The following ABCB5 variants were observed in gnomAD, a reference collection of about 807,000 sequenced individuals.
The protein encoded by ABCB5 is ATP binding cassette subfamily B member 5.
ABCB5 carries 155 observed loss-of-function variants against 144.2 expected under a neutral mutation model. That is an observed-to-expected ratio of 1.08 (90% CI 0.94 to 1.23). ABCB5 has a LOEUF of 1.23. ABCB5 is among the 50% of genes most tolerant of loss of function. The pLI is 0.00. For missense variants in ABCB5, 1,830 were observed against 1,520.8 expected (o/e 1.20, Z -3.38); for synonymous variants, 610 against 528.6 (o/e 1.15, Z -2.11).
At position 20,739,106 on chromosome 7, in the gene ABCB5, T is replaced by A. The variant is rs1350014524; in HGVS notation, c.2991T>A (p.Asn997Lys). ...HLFALLEKKP[N>K]IDSRSQEGKK... The stretch of plus-strand genomic sequence containing the variant: ...TTGCCTTGTTGGAAAAGAAACCAAA[T>A]ATAGACAGCCGCAGTCAAGAAGGGA... The change falls in exon 24 of 28, where the codon AAT becomes AAA. Residue 997 changes from asparagine (N) to lysine (K), a missense_variant. Asn to Lys is a moderately conservative substitution (Grantham distance 94). Coordinates refer to ENST00000404938, the MANE Select transcript of ABCB5 (RefSeq NM_001163941.2). The A allele has an allele frequency of 6.2e-7, 1 of 1,607,630 alleles. No individual in the cohort carries two copies. The highest frequency in any genetic ancestry group is 1.7e-5 in the Admixed American group (1 of 59,060).
chr7:20,657,247 G>A (rs993823087), intron 13 of ABCB5, among the ~76,000 whole-genome samples: 1 of 152,034 alleles, frequency 6.6e-6, no homozygotes, highest in African/African-American at 2.4e-5. Flanking sequence ...TGAACTACTG[G>A]ATTCCCAGTT....
At chr7:20,742,577 G>A (rs537167546) in intron 24 of ABCB5, among the ~76,000 whole-genome samples, 1 of 152,276 alleles carries the variant, frequency 6.6e-6, no homozygotes, top group East Asian at 1.9e-4. Context: ...AGATAAGCTG[G>A]TCAAACAACC....
chr7:20,695,676 G>C (rs1786387104), intron 16 of ABCB5, among the ~76,000 whole-genome samples: 1 of 151,772 alleles, frequency 6.6e-6, no homozygotes, highest in African/African-American at 2.4e-5. Context: ...TATCTGATCA[G>C]GACTTGTATC....
chr7:20,678,401 G>C lies in ABCB5; in HGVS notation c.1708-3104G>C, dbSNP rs142699901. On this transcript the variant is annotated intron_variant, in intron 14 of 27. Coordinates refer to ENST00000404938, the MANE Select transcript of ABCB5 (RefSeq NM_001163941.2). ...AGAGGGAAAACCACACTGGGTTTTA[G>C]TACCAGTCCTTCCAGTGACTGGCTG... Among the ~76,000 whole-genome samples the C allele has an allele frequency of 2.8e-3, 433 of 152,302 alleles. 1 individual carries two copies. Among genetic ancestry groups the C allele is most frequent in the African/African-American group, 9.8e-3 (407 of 41,574 alleles).
rs1452247047 is a variant in ABCB5, at chr7:20,659,285, T to C, written c.1707+609T>C. 8.2e-6 allele frequency: 12 copies of C among 1,456,712 alleles called. No individual in the cohort carries two copies. The African/African-American group carries it at 9.9e-5, about 12-fold the overall frequency. 90.2% of individuals were successfully genotyped at this position (1,456,712 alleles called of 1,614,324 possible). ...TTGGCAGTGGCGGTATGAAAAACCA[T>C]TGAACAGTTTTCTCGATGGCCTGAC... On this transcript the variant is annotated intron_variant, in intron 14 of 27. Coordinates refer to ENST00000404938, the MANE Select transcript of ABCB5 (RefSeq NM_001163941.2).
In ABCB5 at chr7:20,646,011, T is replaced by C. The variant is rs748373481; in HGVS notation, c.854T>C (p.Ile285Thr). 6 of 1,613,758 alleles carry C rather than the reference T, an allele frequency of 3.7e-6. No homozygotes were observed. The Admixed American group carries it at 8.3e-5, about 22-fold the overall frequency. The change falls in exon 9 of 28, where the codon ATA (isoleucine) becomes ACA (threonine). Residue 285 changes from isoleucine to threonine, a missense_variant. Ile to Thr is a moderately conservative substitution (Grantham distance 89). Transcript: ENST00000404938. ...DAKDFGIKRT[I>T]ASKVSLGAVY... ...AAGGATTTTGGCATAAAAAGGACTA[T>C]AGCTTCAAAAGTGTCTCTTGGTGCT...
At chr7:20,700,891 TC>T (rs1445412799) in intron 19 of ABCB5, among the ~76,000 whole-genome samples, 5 of 152,290 alleles carry the variant, frequency 3.3e-5, no homozygotes, top group African/African-American at 7.2e-5. Context: ...TGATTTCTTT[TC>T]AGAAATAGAG....
chr7:20,619,914 C>T (rs1240236164), intron 1 of ABCB5, among the ~76,000 whole-genome samples: 3 of 152,144 alleles, frequency 2.0e-5, no homozygotes, highest in Non-Finnish European at 4.4e-5. Flanking sequence ...GGTATCCCAG[C>T]ACCATTTTTT....
At chr7:20,658,766 C>G in intron 14 of ABCB5, 90 bp downstream of exon 14, 1 of 1,431,702 alleles carries the variant, frequency 7.0e-7, no homozygotes, top group Non-Finnish European at 9.4e-7. Flanking sequence ...ATAGATTACT[C>G]AAGTTGAGAG....
In ABCB5 at chr7:20,651,557, T is replaced by A. The variant is rs143325558; in HGVS notation, c.1470T>A (p.Thr490=). ...NNIKYGRDDV[T]DEEMERAARE... ...TCAAGTATGGACGAGATGATGTGAC[T>A]GATGAAGAGATGGAGAGAGCAGCAA... Residue 490 remains threonine (T), a synonymous_variant, in exon 13 of 28, where the codon ACT becomes ACA. Transcript: ENST00000404938. The A allele has an allele frequency of 6.2e-7, 1 of 1,613,964 alleles. No individual in the cohort carries two copies. The highest frequency in any genetic ancestry group is 1.3e-5 in the African/African-American group (1 of 74,882).
intron 14 of ABCB5, among the ~76,000 whole-genome samples, chr7:20,674,976 A>G (rs778389386): frequency 6.6e-6 from 1 of 151,988 alleles, no homozygotes; most frequent in East Asian, 1.9e-4. Flanking sequence ...ACTGAAAACT[A>G]TAACCATTGA....
rs770284056 is a variant in ABCB5 at position 20,643,145 on chromosome 7, G to A, written c.315-39G>A. ...TTTATGTGTGTAACAAGATAAAAAT[G>A]TTGTGCTTCAGTCTCACATTCTAAT... is the stretch of plus-strand genomic sequence containing the variant. On this transcript the variant is annotated intron_variant, in intron 5 of 27. Transcript: ENST00000404938. 14 of 1,517,454 alleles carry A rather than the reference G, an allele frequency of 9.2e-6. No individual in the cohort carries two copies. The East Asian group carries it at 9.2e-5, about 10-fold the overall frequency. 94.0% of individuals were successfully genotyped at this position (1,517,454 alleles called of 1,614,324 possible).
At chr7:20,731,091 A>T (rs1421496655) in intron 23 of ABCB5, among the ~76,000 whole-genome samples, 1 of 152,014 alleles carries the variant, frequency 6.6e-6, no homozygotes, top group Non-Finnish European at 1.5e-5. Flanking sequence ...ACGGTGGCTC[A>T]TGCCTGTAGT....
chr7:20,732,823 A>C (rs1782265130), intron 23 of ABCB5, among the ~76,000 whole-genome samples: 1 of 152,204 alleles, frequency 6.6e-6, no homozygotes, highest in Non-Finnish European at 1.5e-5. Context: ...AAAATTTCTC[A>C]GTCGAAGAAT....
intron 1 of ABCB5, among the ~76,000 whole-genome samples, chr7:20,616,860 A>C (rs931344832): frequency 6.6e-6 from 1 of 152,220 alleles, no homozygotes; most frequent in Non-Finnish European, 1.5e-5. Flanking sequence ...ACTGGCTCAC[A>C]AATTGCTTTG....
intron 5 of ABCB5, chr7:20,641,797 G>C (rs1450717147): frequency 1.3e-5 from 2 of 152,474 alleles, no homozygotes; most frequent in Non-Finnish European, 2.9e-5. Context: ...TAATCTAGAG[G>C]ACTGAATGGA....
At chr7:20,638,861 C>T (rs186776752) in intron 5 of ABCB5, among the ~76,000 whole-genome samples, 106 of 152,234 alleles carry the variant, frequency 7.0e-4, no homozygotes, top group African/African-American at 2.4e-3. Flanking sequence ...GTTTTTATTA[C>T]TCTTGAGTAG....
rs183682427 is a variant in ABCB5 at position 20,649,878 on chromosome 7, A to G, written c.1207-144A>G. The G allele has an allele frequency of 9.9e-5, 81 of 821,412 alleles. No individual in the cohort carries two copies. In the East Asian group the frequency reaches 2.3e-3, roughly 23 times the overall value. The allele number at this position is 821,412 out of a possible 1,614,324, so 50.9% of individuals were successfully genotyped here. ...GAAATTATTCAGGCTATTACTACAC[A>G]TGTACATGAAACAAACATAACAAGA... On this transcript the variant is annotated intron_variant, in intron 11 of 27. Coordinates refer to ENST00000404938, the MANE Select transcript of ABCB5 (RefSeq NM_001163941.2).
chr7:20,755,150 T>C (rs773631093), intron 27 of ABCB5, among the ~76,000 whole-genome samples: 4 of 152,194 alleles, frequency 2.6e-5, no homozygotes, highest in Non-Finnish European at 5.9e-5. Context: ...GATTTCTCCA[T>C]GTTGATCAGG....
Sources: gnomAD v4.1 joint callset for allele counts (sites outside exome capture counted in the v4.1 genomes callset) on GRCh38, gnomAD v4.1.1 for gene constraint, MANE v1.5 for transcripts, NCBI Gene and HGNC (gene_info 2026-07-23, HGNC 2026-07-21) for gene names.